MS4A4A: variants seen among roughly 807,000 people sequenced by gnomAD.
MS4A4A encodes the protein membrane-spanning 4-domains subfamily A member 4A.
Under a neutral mutation model 28.0 loss-of-function variants are expected in MS4A4A, and 26 were observed. The observed-to-expected ratio is 0.93, with a 90% CI of 0.68 to 1.29. The LOEUF is 1.29. Ranked by LOEUF, MS4A4A falls within the 50% of genes most tolerant of loss-of-function variation. The pLI is 0.00. For synonymous variants in MS4A4A, 86 were observed against 100.8 expected (o/e 0.85, Z 0.88); for missense variants, 290 against 293.1 (o/e 0.99, Z 0.08).
At chr11:60,289,145 G>A (rs1485803183) in intron 1 of MS4A4A, among the ~76,000 whole-genome samples, 1 of 152,186 alleles carries the variant, frequency 6.6e-6, no homozygotes, top group African/African-American at 2.4e-5. Flanking sequence ...AGAATGCACT[G>A]TAGCAGTGAT....
intron 4 of MS4A4A, 82 bp downstream of exon 4, chr11:60,301,139 T>G: frequency 9.0e-7 from 1 of 1,115,178 alleles, no homozygotes; most frequent in Non-Finnish European, 1.3e-6. Flanking sequence ...AAAACAGGTT[T>G]TGTTTCTTTG....
intron 2 of MS4A4A, 136 bp from the exon 3 acceptor site, chr11:60,297,061 T>A: frequency 1.0e-6 from 1 of 1,001,828 alleles, no homozygotes; most frequent in South Asian, 1.4e-5. Context: ...GAAAAAAGAG[T>A]GATAAGAGAA....
chr11:60,304,930 T>C (rs1226971972), intron 5 of MS4A4A, among the ~76,000 whole-genome samples: 2 of 152,240 alleles, frequency 1.3e-5, no homozygotes, highest in Non-Finnish European at 1.5e-5. Context: ...ACTACAGCTG[T>C]TGAAGGCACA....
intron 2 of MS4A4A, among the ~76,000 whole-genome samples, chr11:60,294,892 A>ACTACTACTTCTTCTT (rs60374079): frequency 0.028 from 3,704 of 130,530 alleles, 97 homozygotes; most frequent in Middle Eastern, 0.045. Context: ...TACAACTACT[A>ACTACTACTTCTTCTT]CTTCTTCTTC....
At chr11:60,286,646 C>T (rs1175721568) in intron 1 of MS4A4A, among the ~76,000 whole-genome samples, 1 of 152,182 alleles carries the variant, frequency 6.6e-6, no homozygotes, top group African/African-American at 2.4e-5. Context: ...CCTTCTTTGC[C>T]TCTTTTGACA....
chr11:60,290,779 C>A (rs1169888873), intron 1 of MS4A4A, among the ~76,000 whole-genome samples: 1 of 152,000 alleles, frequency 6.6e-6, no homozygotes, highest in Non-Finnish European at 1.5e-5. Context: ...CTTCTTCTGA[C>A]TTTAATCAGT....
chr11:60,286,539 T>A lies in MS4A4A; in HGVS notation c.42-5686T>A, dbSNP rs942238351. On this transcript the variant is annotated intron_variant, in intron 1 of 6. Transcript: ENST00000337908. Reference sequence around the variant, plus strand: ...GTTCTTCAGCCATGGCTTCAGCCGGTCCCTCCGTTCGGGGTCCCTGACTTC... The same window carrying A: ...GTTCTTCAGCCATGGCTTCAGCCGGACCCTCCGTTCGGGGTCCCTGACTTC... Among the ~76,000 whole-genome samples, 12 of 152,234 alleles carry A rather than the reference T, an allele frequency of 7.9e-5. No individual in the cohort carries two copies. In the East Asian group the frequency reaches 2.3e-3, roughly 29 times the overall value.
chr11:60,287,729 T>C (rs2084815540), intron 1 of MS4A4A, among the ~76,000 whole-genome samples: 1 of 152,196 alleles, frequency 6.6e-6, no homozygotes. Flanking sequence ...GAGGCAAATG[T>C]TTCCAGCTGT....
chr11:60,305,837 T>C, intron 5 of MS4A4A: 2 of 414,648 alleles, frequency 4.8e-6, no homozygotes, highest in Non-Finnish European at 8.6e-6. Flanking sequence ...CCTAACTTTT[T>C]AAAGCACTTT....
Position 60,292,291 on chromosome 11 carries a change from T to C in MS4A4A, c.108T>C (p.Gly36=), listed in dbSNP as rs758033489. The C allele has an allele frequency of 3.2e-5, 51 of 1,608,220 alleles. No individual in the cohort carries two copies. Among genetic ancestry groups the C allele is most frequent in the Non-Finnish European group, 4.0e-5 (47 of 1,177,498 alleles). ...MEQAMPGAGP[G]VPQLGNMAVI... ...AGGCCATGCCAGGGGCTGGCCCTGG[T>C]GTGCCCCAGCTGGGAAACATGGCTG... The change falls in exon 2 of 7, where the codon GGT becomes GGC. Residue 36 remains glycine, a synonymous_variant. Coordinates refer to ENST00000337908, the MANE Select transcript of MS4A4A (RefSeq NM_148975.3).
intron 4 of MS4A4A, 133 bp downstream of exon 4, chr11:60,301,190 G>A: frequency 1.4e-6 from 1 of 718,034 alleles, no homozygotes; most frequent in East Asian, 3.0e-5. Flanking sequence ...TTACCTACTA[G>A]AATCTGTCTT....
intron 3 of MS4A4A, among the ~76,000 whole-genome samples, chr11:60,299,617 C>A (rs917052378): frequency 6.6e-6 from 1 of 151,966 alleles, no homozygotes; most frequent in Admixed American, 6.6e-5. Flanking sequence ...GAACTACAGG[C>A]ACCCGCCACC....
At chr11:60,306,681 G>A (rs894546698) in intron 6 of MS4A4A, among the ~76,000 whole-genome samples, 3 of 152,224 alleles carry the variant, frequency 2.0e-5, no homozygotes, top group African/African-American at 4.8e-5. Flanking sequence ...CAAGGGTTCA[G>A]TGAGTGTCAC....
At chr11:60,302,761 T>C (rs779154021) in intron 5 of MS4A4A, 44 bp downstream of exon 5, 2 of 1,573,316 alleles carry the variant, frequency 1.3e-6, no homozygotes, top group Non-Finnish European at 1.7e-6. Flanking sequence ...TAGAAGCAAG[T>C]TTGGGGAGTG....
chr11:60,281,538 C>T, intron 1 of MS4A4A, among the ~76,000 whole-genome samples: 1 of 152,202 alleles, frequency 6.6e-6, no homozygotes, highest in East Asian at 1.9e-4. Flanking sequence ...GCCACCACTT[C>T]TGCATCCCCA....
intron 1 of MS4A4A, 124 bp from the exon 2 acceptor site, chr11:60,292,101 G>A (rs2084862154): frequency 8.3e-7 from 1 of 1,211,736 alleles, no homozygotes; most frequent in Non-Finnish European, 1.1e-6. Context: ...AGCTCTAACA[G>A]CTATTATGAT....
chr11:60,304,704 G>T lies in MS4A4A; in HGVS notation c.547-1396G>T, dbSNP rs180853527. Among the ~76,000 whole-genome samples the T allele has an allele frequency of 2.0e-3, 299 of 152,336 alleles. 1 individual carries two copies. Among genetic ancestry groups the T allele is most frequent in the Non-Finnish European group, 3.4e-3 (230 of 68,026 alleles). On this transcript the variant is annotated intron_variant, in intron 5 of 6. Coordinates refer to ENST00000337908, the MANE Select transcript of MS4A4A (RefSeq NM_148975.3). ...AGCCCATTTGTTTACATATTGTGGA[G>T]TGCTGCTTTCGTGTTATAACAGCAG...
intron 2 of MS4A4A, among the ~76,000 whole-genome samples, chr11:60,296,489 T>C (rs189860093): frequency 6.6e-6 from 1 of 152,198 alleles, no homozygotes; most frequent in Non-Finnish European, 1.5e-5. Context: ...CTAATTTCTA[T>C]TATAGCTCTT....
intron 1 of MS4A4A, among the ~76,000 whole-genome samples, chr11:60,290,694 G>A (rs2084847327): frequency 6.6e-6 from 1 of 151,564 alleles, no homozygotes; most frequent in African/African-American, 2.4e-5. Flanking sequence ...CATTACTAAA[G>A]TTAAATTAAT....
Sources: gnomAD v4.1 joint callset for allele counts (sites outside exome capture counted in the v4.1 genomes callset) on GRCh38, gnomAD v4.1.1 for gene constraint, MANE v1.5 for transcripts, NCBI Gene and HGNC (gene_info 2026-07-23, HGNC 2026-07-21) for gene names.